Variants in ARTN observed in about 807,000 individuals in gnomAD.
ARTN encodes artemin, also known as neublastin.
Under a neutral mutation model 15.4 loss-of-function variants are expected in ARTN, and 9 were observed. That is an observed-to-expected ratio of 0.58 (90% CI 0.35 to 1.02). The LOEUF (loss-of-function observed/expected upper bound fraction) is 1.02, where lower values mean the gene tolerates loss of function less well. Ranked by LOEUF, ARTN falls within the 50% of genes least tolerant of loss-of-function variation. ARTN has a pLI of 0.02. For missense variants in ARTN, 284 were observed against 327.9 expected, an observed-to-expected ratio of 0.87 and a Z score of 1.03; for synonymous variants, 163 against 155.8, an observed-to-expected ratio of 1.05 and a Z score of -0.35.
rs778342419 is a variant in ARTN at position 43,936,658 on chromosome 1, C to T, written c.556C>T (p.Pro186Ser). 2.5e-6 allele frequency: 4 copies of T among 1,596,176 alleles called. No individual in the cohort carries two copies. The East Asian group carries it at 6.9e-5, about 27-fold the overall frequency. ...PPPGSRPVSQPCCRPTRYEAV... is the reference protein window; with the variant it reads ...PPPGSRPVSQSCCRPTRYEAV... The stretch of plus-strand genomic sequence containing the variant: ...CCCGGGCTCCCGGCCCGTCAGCCAG[C>T]CCTGCTGCCGACCCACGCGCTACGA... Residue 186 changes from proline (P) to serine (S), a missense_variant, in exon 5 of 5, where the codon CCC (proline) becomes TCC (serine). Coordinates refer to ENST00000372359, the MANE Select transcript of ARTN (RefSeq NM_057091.3). The surrounding 1 kb of genome is among the most constrained non-coding windows in gnomAD (Gnocchi z 6.6).
chr1:43,934,453 G>A (rs1175329082), intron 2 of ARTN, 193 bp downstream of exon 2: 1 of 152,446 alleles, frequency 6.6e-6, no homozygotes, highest in Non-Finnish European at 1.5e-5. Flanking sequence ...GGCCTGGCTC[G>A]GAGGCCTTGA....
chr1:43,935,849 G>A (rs976895318), intron 3 of ARTN, 133 bp downstream of exon 3: 1 of 971,550 alleles, frequency 1.0e-6, no homozygotes, highest in Non-Finnish European at 1.6e-6. Flanking sequence ...CAGGTGAATG[G>A]GAGGAGGAGC....
In ARTN at chr1:43,937,113, G is replaced by C. The variant is rs114948251; in HGVS notation, c.*348G>C. On this transcript the variant is annotated 3_prime_UTR_variant, in exon 5 of 5. Transcript: ENST00000372359. Reference sequence around the variant, plus strand: ...TGGCTGAGGCATCAGCCCCCGCCCAGGCCCTGTAGGGACAGCATTTGAAGG... The same window carrying C: ...TGGCTGAGGCATCAGCCCCCGCCCACGCCCTGTAGGGACAGCATTTGAAGG... 4.4e-6 allele frequency: 1 copy of C among 227,028 alleles called. No individual in the cohort carries two copies. The highest frequency in any genetic ancestry group is 1.8e-4 in the South Asian group (1 of 5,524). 14.1% of individuals were successfully genotyped at this position (227,028 alleles called of 1,614,324 possible). A position where few individuals can be genotyped will look rare whatever the true frequency, so the allele number is the denominator to read the frequency against.
Position 43,937,035 on chromosome 1 carries a change from C to T in ARTN, c.*270C>T, listed in dbSNP as rs1480808283. The T allele has an allele frequency of 5.6e-6, 2 of 356,414 alleles. No homozygotes were observed. Among genetic ancestry groups the T allele is most frequent in the African/African-American group, 4.2e-5 (2 of 47,620 alleles). The allele number at this position is 356,414 out of a possible 1,614,324, so 22.1% of individuals were successfully genotyped here. A position where few individuals can be genotyped will look rare whatever the true frequency, so the allele number is the denominator to read the frequency against. On this transcript the variant is annotated 3_prime_UTR_variant, in exon 5 of 5. Coordinates refer to ENST00000372359, the MANE Select transcript of ARTN (RefSeq NM_057091.3). ...CCTTCGGACCCACTTCTCACAGACT[C>T]TGGCACTGGCCAGGCCTCGAACCTG...
chr1:43,935,633 T>C lies in ARTN; in HGVS notation c.-24T>C, dbSNP rs747215189. The C allele has an allele frequency of 6.2e-7, 1 of 1,611,710 alleles. No individual in the cohort carries two copies. The highest frequency in any genetic ancestry group is 8.5e-7 in the Non-Finnish European group (1 of 1,178,986). On this transcript the variant is annotated 5_prime_UTR_variant, in exon 3 of 5. The change abolishes an upstream ATG in the 5' untranslated region. Coordinates refer to ENST00000372359, the MANE Select transcript of ARTN (RefSeq NM_057091.3). ...GGGGGAACAGCTCAACAATGGCTGA[T>C]GGGCGCTCCTGGTGTTGATAGAGAT...
chr1:43,935,962 C>T (rs1403261689), intron 3 of ARTN, 131 bp from the exon 4 acceptor site: 2 of 1,315,926 alleles, frequency 1.5e-6, no homozygotes, highest in East Asian at 2.4e-5. Flanking sequence ...TGAGTTTCCC[C>T]TCCACACAGC....
rs2085099240 is a variant in ARTN at position 43,936,527 on chromosome 1, A to G, written c.425A>G (p.Asp142Gly). 3.4e-6 allele frequency: 5 copies of G among 1,489,848 alleles called. No individual in the cohort carries two copies. Among genetic ancestry groups the G allele is most frequent in the Non-Finnish European group, 4.4e-6 (5 of 1,125,412 alleles). 92.3% of individuals were successfully genotyped at this position (1,489,848 alleles called of 1,614,324 possible). Residue 142 changes from aspartate (D) to glycine (G), a missense_variant, in exon 5 of 5, where the codon GAC becomes GGC. Coordinates refer to ENST00000372359, the MANE Select transcript of ARTN (RefSeq NM_057091.3). The surrounding 1 kb of genome is among the most constrained non-coding windows in gnomAD (Gnocchi z 6.6). ...VRALGLGHRS[D>G]ELVRFRFCSG... The stretch of plus-strand genomic sequence containing the variant: ...GCGCTCGGCCTGGGCCACCGCTCCG[A>G]CGAGCTGGTGCGTTTCCGCTTCTGC...
Position 43,936,269 on chromosome 1 carries a change from C to G in ARTN, c.200-33C>G, listed in dbSNP as rs1485629380. On this transcript the variant is annotated intron_variant, in intron 4 of 4. Coordinates refer to ENST00000372359, the MANE Select transcript of ARTN (RefSeq NM_057091.3). This position sits in a 1 kb window ranked among gnomAD's most constrained non-coding sequence, Gnocchi z 6.6. ...GCGAGGGGGCGGGGCGGGGCTGGCC[C>G]GGGACACCGCGCGTGACTGGGTCTC... The G allele has an allele frequency of 1.4e-6, 2 of 1,389,542 alleles. No homozygotes were observed. The highest frequency in any genetic ancestry group is 1.8e-6 in the Non-Finnish European group (2 of 1,082,032). The allele number at this position is 1,389,542 out of a possible 1,614,324, so 86.1% of individuals were successfully genotyped here.
rs2085097949 is a variant in ARTN at position 43,936,445 on chromosome 1, G to A, written c.343G>A (p.Ala115Thr). 8.7e-7 allele frequency: 1 copy of A among 1,147,444 alleles called. No individual in the cohort carries two copies. Among genetic ancestry groups the A allele is most frequent in the South Asian group, 4.2e-5 (1 of 23,662 alleles). 71.1% of individuals were successfully genotyped at this position (1,147,444 alleles called of 1,614,324 possible). The change falls in exon 5 of 5, where the codon GCT becomes ACT. Residue 115 changes from alanine (A) to threonine (T), a missense_variant. Physicochemically the swap from Ala to Thr is moderately conservative, Grantham distance 58. Coordinates refer to ENST00000372359, the MANE Select transcript of ARTN (RefSeq NM_057091.3). This position sits in a 1 kb window ranked among gnomAD's most constrained non-coding sequence, Gnocchi z 6.6. ...GCGGGCTGGGGGCCCGGGCAGCCGC[G>A]CTCGGGCAGCGGGGGCGCGGGGCTG... Reference protein sequence around the residue: ...AARAGGPGSRARAAGARGCRL... With the variant: ...AARAGGPGSRTRAAGARGCRL...
Position 43,935,602 on chromosome 1 carries a change from G to C in ARTN, c.-55G>C. ...CTTAATTTGCAAGCTGCCTCAACAG[G>C]AGGGTGGGGGAACAGCTCAACAATG... On this transcript the variant is annotated 5_prime_UTR_variant, in exon 3 of 5. Transcript: ENST00000372359. 4 of 1,576,544 alleles carry C rather than the reference G, an allele frequency of 2.5e-6. No individual in the cohort carries two copies. In the Admixed American group the frequency reaches 7.3e-5, roughly 29 times the overall value.
rs1473634150 is a variant in ARTN at position 43,936,568 on chromosome 1, C to A, written c.466C>A (p.Arg156Ser). 1.3e-6 allele frequency: 2 copies of A among 1,557,560 alleles called. No individual in the cohort carries two copies. Among genetic ancestry groups the A allele is most frequent in the Admixed American group, 1.8e-5 (1 of 54,648 alleles). Reference protein sequence around the residue: ...RFRFCSGSCRRARSPHDLSLA... With the variant: ...RFRFCSGSCRSARSPHDLSLA... ...CCGCTTCTGCAGCGGCTCCTGCCGC[C>A]GCGCGCGCTCTCCACACGACCTCAG... The change falls in exon 5 of 5, where the codon CGC (arginine) becomes AGC (serine). Residue 156 changes from arginine to serine, a missense_variant. Transcript: ENST00000372359. This position sits in a 1 kb window ranked among gnomAD's most constrained non-coding sequence, Gnocchi z 6.6.
chr1:43,936,440 G>A lies in ARTN; in HGVS notation c.338G>A (p.Ser113Asn). The change falls in exon 5 of 5, where the codon AGC (serine) becomes AAC (asparagine). Residue 113 changes from serine (S) to asparagine (N), a missense_variant. Coordinates refer to ENST00000372359, the MANE Select transcript of ARTN (RefSeq NM_057091.3). The surrounding 1 kb of genome is among the most constrained non-coding windows in gnomAD (Gnocchi z 6.6). The stretch of plus-strand genomic sequence containing the variant: ...GCGGCGCGGGCTGGGGGCCCGGGCA[G>A]CCGCGCTCGGGCAGCGGGGGCGCGG... ...GRAARAGGPG[S>N]RARAAGARGC... 8.8e-7 allele frequency: 1 copy of A among 1,141,784 alleles called. No homozygotes were observed. The highest frequency in any genetic ancestry group is 1.6e-5 in the African/African-American group (1 of 61,008). The allele number at this position is 1,141,784 out of a possible 1,614,324, so 70.7% of individuals were successfully genotyped here.
chr1:43,936,435 G>C lies in ARTN; in HGVS notation c.333G>C (p.Pro111=). 5 of 1,137,056 alleles carry C rather than the reference G, an allele frequency of 4.4e-6. No individual in the cohort carries two copies. The highest frequency in any genetic ancestry group is 5.4e-6 in the Non-Finnish European group (5 of 928,436). 70.4% of individuals were successfully genotyped at this position (1,137,056 alleles called of 1,614,324 possible). A position where few individuals can be genotyped will look rare whatever the true frequency, so the allele number is the denominator to read the frequency against. ...RGGRAARAGG[P]GSRARAAGAR... ...GCCGCGCGGCGCGGGCTGGGGGCCC[G>C]GGCAGCCGCGCTCGGGCAGCGGGGG... Residue 111 remains proline (P), a synonymous_variant, in exon 5 of 5, where the codon CCG becomes CCC. Transcript: ENST00000372359. This position sits in a 1 kb window ranked among gnomAD's most constrained non-coding sequence, Gnocchi z 6.6.
In ARTN at chr1:43,936,116, C is replaced by G; in HGVS notation, c.84C>G (p.Ala28=). The change falls in exon 4 of 5, where the codon GCC becomes GCG. Residue 28 remains alanine (A), a synonymous_variant. Coordinates refer to ENST00000372359, the MANE Select transcript of ARTN (RefSeq NM_057091.3). This position sits in a 1 kb window ranked among gnomAD's most constrained non-coding sequence, Gnocchi z 6.6. ...RQQPALWPTL[A]ALALLSSVAE... is the part of the protein sequence containing the mutation. ...AGCCTGCCCTGTGGCCCACCCTGGCCGCTCTGGCTCTGCTGAGCAGCGTCG... is the reference window on the plus strand; with the variant it reads ...AGCCTGCCCTGTGGCCCACCCTGGCGGCTCTGGCTCTGCTGAGCAGCGTCG... 6.2e-7 allele frequency: 1 copy of G among 1,608,698 alleles called. No homozygotes were observed. Among genetic ancestry groups the G allele is most frequent in the Non-Finnish European group, 8.5e-7 (1 of 1,179,768 alleles).
Position 43,936,065 on chromosome 1 carries a change from T to C in ARTN, c.61-28T>C. 6.2e-7 allele frequency: 1 copy of C among 1,613,190 alleles called. No individual in the cohort carries two copies. The highest frequency in any genetic ancestry group is 1.3e-5 in the African/African-American group (1 of 75,042). ...CCCACCTGGGTGCCCTCTTTCTCCCTGAGGCTCCACTTGGTCTCTCCGCGC... is the reference window on the plus strand; with the variant it reads ...CCCACCTGGGTGCCCTCTTTCTCCCCGAGGCTCCACTTGGTCTCTCCGCGC... On this transcript the variant is annotated intron_variant, in intron 3 of 4. Coordinates refer to ENST00000372359, the MANE Select transcript of ARTN (RefSeq NM_057091.3). The surrounding 1 kb of genome is among the most constrained non-coding windows in gnomAD (Gnocchi z 6.6).
chr1:43,935,924 C>G, intron 3 of ARTN, 169 bp from the exon 4 acceptor site: 1 of 1,022,512 alleles, frequency 9.8e-7, no homozygotes, highest in Non-Finnish European at 1.5e-6. Context: ...AGGCAGCAAA[C>G]CCATTATACT....
At chr1:43,935,398 A>G in intron 2 of ARTN, 192 bp from the exon 3 acceptor site, 2 of 487,830 alleles carry the variant, frequency 4.1e-6, no homozygotes, top group East Asian at 3.9e-5. Context: ...ATCTGGAAAA[A>G]GGGGATTAAA....
intron 2 of ARTN, 89 bp from the exon 3 acceptor site, chr1:43,935,501 A>G (rs771150224): frequency 4.4e-5 from 31 of 704,526 alleles, no homozygotes; most frequent in Non-Finnish European, 7.4e-5. Context: ...GGTTGAGTCT[A>G]GCTGTGTAGG....
rs1167350084 is a variant in ARTN at position 43,934,205 on chromosome 1, AGC to A, written c.-122_-121del. The A allele has an allele frequency of 1.3e-5, 2 of 152,782 alleles. No homozygotes were observed. Among genetic ancestry groups the A allele is most frequent in the Non-Finnish European group, 2.9e-5 (2 of 68,170 alleles). 9.5% of individuals were successfully genotyped at this position (152,782 alleles called of 1,614,324 possible). A position where few individuals can be genotyped will look rare whatever the true frequency, so the allele number is the denominator to read the frequency against. ...ATGCGCTGTTTGAGCTTCGGGGGAG[AGC>A]CCAGCACTGGTCCCCGGAAAGGTGC... On this transcript the variant is annotated 5_prime_UTR_variant, in exon 2 of 5. The change abolishes the stop of an existing upstream ORF in the 5' untranslated region. Transcript: ENST00000372359.
Sources: allele counts gnomAD v4.1 joint callset, GRCh38; gene constraint gnomAD v4.1.1; non-coding constraint Gnocchi (gnomAD v3.1); transcripts MANE v1.5; gene names NCBI Gene and HGNC (gene_info 2026-07-23, HGNC 2026-07-21).